VEGFC: variants seen among roughly 807,000 people sequenced by gnomAD.
VEGFC encodes vascular endothelial growth factor C.
VEGFC carries 12 observed loss-of-function variants against 46.1 expected under a neutral mutation model. That is an observed-to-expected ratio of 0.26 (90% confidence interval 0.17 to 0.42). VEGFC has a LOEUF of 0.42. Among genes scored for constraint, VEGFC ranks in the 10% least tolerant of loss-of-function variants. The pLI, the probability that VEGFC is intolerant of heterozygous loss-of-function variation, is 1.00. For synonymous variants in VEGFC, 232 were observed against 195.5 expected, an observed-to-expected ratio of 1.19 and a Z score of -1.56; for missense variants, 488 against 529.4, an observed-to-expected ratio of 0.92 and a Z score of 0.77.
rs559231853 is a variant in VEGFC, at chr4:176,683,915, A to G, written c.*11T>C. The G allele has an allele frequency of 1.6e-5, 26 of 1,599,500 alleles. 1 individual carries two copies. In the Admixed American group the frequency reaches 2.2e-4, roughly 13 times the overall value. On this transcript the variant is annotated 3_prime_UTR_variant, in exon 7 of 7. Coordinates refer to ENST00000618562, the MANE Select transcript of VEGFC (RefSeq NM_005429.5). ...TAATAGAAAATCGATGAACTGGAAAACAGTACAATCTTAGCTCATTTGTGG... is the reference window on the plus strand; with the variant it reads ...TAATAGAAAATCGATGAACTGGAAAGCAGTACAATCTTAGCTCATTTGTGG...
intron 3 of VEGFC, among the ~76,000 whole-genome samples, chr4:176,725,128 C>T (rs1265092176): frequency 1.3e-5 from 2 of 152,044 alleles, no homozygotes; most frequent in Non-Finnish European, 2.9e-5. Flanking sequence ...TCCCAATTAC[C>T]CTGATTTGAT....
chr4:176,771,240 A>G lies in VEGFC; in HGVS notation c.147+20925T>C, dbSNP rs533465359. ...AGAAAATACTACAGTTGCAGGGGAA[A>G]CAATTTAAATAATATAAACTGGCCA... On this transcript the variant is annotated intron_variant, in intron 1 of 6. Transcript: ENST00000618562. Among the ~76,000 whole-genome samples the G allele has an allele frequency of 2.5e-3, 378 of 152,294 alleles. 3 individuals carry two copies. Among genetic ancestry groups the G allele is most frequent in the Non-Finnish European group, 2.5e-3 (169 of 68,012 alleles).
intron 1 of VEGFC, among the ~76,000 whole-genome samples, chr4:176,776,802 AT>A (rs1735820876): frequency 6.6e-6 from 1 of 152,146 alleles, no homozygotes; most frequent in East Asian, 1.9e-4. Context: ...GGTGTGTTTT[AT>A]TTTGCTTGGC....
intron 1 of VEGFC, among the ~76,000 whole-genome samples, chr4:176,739,011 CAAA>C (rs1416475171): frequency 6.6e-6 from 1 of 150,720 alleles, no homozygotes; most frequent in Non-Finnish European, 1.5e-5. Context: ...TTCTGCCTCT[CAAA>C]AGAAGACATA....
chr4:176,787,734 G>A (rs1266919977), intron 1 of VEGFC, among the ~76,000 whole-genome samples: 1 of 151,666 alleles, frequency 6.6e-6, no homozygotes, highest in Non-Finnish European at 1.5e-5. Flanking sequence ...GAGGAAAGAA[G>A]CCACCCCAAA....
chr4:176,743,702 T>C (rs1231648016), intron 1 of VEGFC, among the ~76,000 whole-genome samples: 1 of 151,660 alleles, frequency 6.6e-6, no homozygotes, highest in Non-Finnish European at 1.5e-5. Flanking sequence ...CATGTTATTT[T>C]ATATTTCAGC....
chr4:176,695,290 A>G (rs1734288559), intron 4 of VEGFC, among the ~76,000 whole-genome samples: 1 of 150,136 alleles, frequency 6.7e-6, no homozygotes, highest in Admixed American at 6.6e-5. Context: ...AAAATGATAA[A>G]GGGGATATCA....
chr4:176,720,815 C>T (rs1441183123), intron 3 of VEGFC, among the ~76,000 whole-genome samples: 1 of 141,570 alleles, frequency 7.1e-6, no homozygotes, highest in Non-Finnish European at 1.5e-5. Flanking sequence ...CACTCCCCCA[C>T]CTGGGCAACA....
chr4:176,762,656 A>T (rs532853023), intron 1 of VEGFC, among the ~76,000 whole-genome samples: 59 of 152,360 alleles, frequency 3.9e-4, no homozygotes, highest in Non-Finnish European at 6.6e-4. Flanking sequence ...ATTTATCTAC[A>T]TACATGCACA....
chr4:176,752,318 G>GA (rs1420817317), intron 1 of VEGFC, among the ~76,000 whole-genome samples: 1 of 152,040 alleles, frequency 6.6e-6, no homozygotes, highest in Non-Finnish European at 1.5e-5. Context: ...AAGGCCTCAA[G>GA]AGTCACTCTT....
chr4:176,715,633 T>C (rs1191883286), intron 3 of VEGFC, among the ~76,000 whole-genome samples: 1 of 152,178 alleles, frequency 6.6e-6, no homozygotes, highest in Non-Finnish European at 1.5e-5. Flanking sequence ...GCCTTTTCAA[T>C]AAATATAGTA....
intron 1 of VEGFC, among the ~76,000 whole-genome samples, chr4:176,790,624 T>C (rs1420940622): frequency 6.6e-6 from 1 of 152,148 alleles, no homozygotes; most frequent in African/African-American, 2.4e-5. Context: ...TCAGGGAATG[T>C]TTCTCATTTT....
chr4:176,747,186 G>A (rs1303363834), intron 1 of VEGFC, among the ~76,000 whole-genome samples: 1 of 152,012 alleles, frequency 6.6e-6, no homozygotes, highest in Non-Finnish European at 1.5e-5. Flanking sequence ...CAGAAGCATA[G>A]GGAAATGAGA....
At chr4:176,685,545 T>A (rs1734024445) in intron 6 of VEGFC, among the ~76,000 whole-genome samples, 1 of 152,136 alleles carries the variant, frequency 6.6e-6, no homozygotes, top group Non-Finnish European at 1.5e-5. Context: ...ATAGAAATAT[T>A]GTCTGTGTTC....
rs1735408553 is a variant in VEGFC, at chr4:176,755,033, G to T, written c.148-25287C>A. Among the ~76,000 whole-genome samples, 3 of 152,028 alleles carry T rather than the reference G, an allele frequency of 2.0e-5. No homozygotes were observed. The South Asian group carries it at 6.2e-4, about 32-fold the overall frequency. ...AGAGCATTGTCTGTATATTCTATCT[G>T]TCCTATTACAGGTAAGTAATTTCTA... On this transcript the variant is annotated intron_variant, in intron 1 of 6. Coordinates refer to ENST00000618562, the MANE Select transcript of VEGFC (RefSeq NM_005429.5).
rs565575161 is a variant in VEGFC at position 176,787,183 on chromosome 4, C to T, written c.147+4982G>A. Among the ~76,000 whole-genome samples, 67 of 152,062 alleles carry T rather than the reference C, an allele frequency of 4.4e-4. 1 individual carries two copies. The highest frequency in any genetic ancestry group is 1.5e-3 in the African/African-American group (62 of 41,496). ...ATTTAAGAAAATTAGCTTTTGGGGCCGGGCGCAGTGGCTCATGCCTGTAAT... is the reference window on the plus strand; with the variant it reads ...ATTTAAGAAAATTAGCTTTTGGGGCTGGGCGCAGTGGCTCATGCCTGTAAT... On this transcript the variant is annotated intron_variant, in intron 1 of 6. Transcript: ENST00000618562.
chr4:176,792,420 C>T lies in VEGFC; in HGVS notation c.-109G>A. ...CTCCTGGTCCCTCTCCCCCGGGCTC[C>T]TCCCGGCGACCCCCCCTGGGCGAGC... is the stretch of plus-strand genomic sequence containing the variant. On this transcript the variant is annotated 5_prime_UTR_variant, in exon 1 of 7. Coordinates refer to ENST00000618562, the MANE Select transcript of VEGFC (RefSeq NM_005429.5). The surrounding 1 kb of genome is among the most constrained non-coding windows in gnomAD (Gnocchi z 6.3). 1.1e-6 allele frequency: 1 copy of T among 875,416 alleles called. No homozygotes were observed. Among genetic ancestry groups the T allele is most frequent in the Non-Finnish European group, 1.6e-6 (1 of 633,746 alleles). The allele number at this position is 875,416 out of a possible 1,614,324, so 54.2% of individuals were successfully genotyped here. A position where few individuals can be genotyped will look rare whatever the true frequency, so the allele number is the denominator to read the frequency against.
intron 4 of VEGFC, among the ~76,000 whole-genome samples, chr4:176,692,018 T>G (rs1224948642): frequency 3.9e-5 from 6 of 152,032 alleles, no homozygotes; most frequent in Admixed American, 2.6e-4. Context: ...TTCCCTTTCC[T>G]AGTCAAAGAA....
At chr4:176,758,560 T>C (rs1735474258) in intron 1 of VEGFC, among the ~76,000 whole-genome samples, 1 of 152,148 alleles carries the variant, frequency 6.6e-6, no homozygotes, top group South Asian at 2.1e-4. Flanking sequence ...TCTCGATTGT[T>C]GTCAGGGAGG....
Sources: gnomAD v4.1 joint callset for allele counts (sites outside exome capture counted in the v4.1 genomes callset) on GRCh38, gnomAD v4.1.1 for gene constraint, Gnocchi (gnomAD v3.1) non-coding constraint, MANE v1.5 for transcripts, NCBI Gene and HGNC (gene_info 2026-07-23, HGNC 2026-07-21) for gene names.